The following CLCA2 variants were observed in gnomAD, a reference collection of about 807,000 sequenced individuals.
CLCA2 encodes the protein calcium-activated chloride channel regulator 2.
CLCA2 carries 85 observed loss-of-function variants against 82.9 expected under a neutral mutation model. That is an observed-to-expected ratio of 1.03 (90% CI 0.86 to 1.23). CLCA2 has a LOEUF of 1.23. Among genes scored for constraint, CLCA2 ranks in the 50% most tolerant of loss-of-function variants. CLCA2 has a pLI of 0.00. For synonymous variants in CLCA2, 421 were observed against 391.7 expected, an observed-to-expected ratio of 1.07 and a Z score of -0.88; for missense variants, 1,089 against 1,124.8, an observed-to-expected ratio of 0.97 and a Z score of 0.45.
At chr1:86,454,421 A>G (rs991826280) in intron 13 of CLCA2, among the ~76,000 whole-genome samples, 8 of 152,138 alleles carry the variant, frequency 5.3e-5, no homozygotes, top group Non-Finnish European at 8.8e-5. Context: ...TTATATGCTC[A>G]TTTTTGATTG....
chr1:86,443,444 C>T (rs976050395), intron 9 of CLCA2, among the ~76,000 whole-genome samples: 4 of 152,150 alleles, frequency 2.6e-5, no homozygotes, highest in Non-Finnish European at 5.9e-5. Flanking sequence ...TAAGCATATT[C>T]ACAAATGAAA....
intron 9 of CLCA2, 122 bp downstream of exon 9, chr1:86,441,665 A>G (rs1662739653): frequency 1.9e-5 from 12 of 615,680 alleles, no homozygotes; most frequent in Non-Finnish European, 3.3e-5. Flanking sequence ...ACAGCTGTGT[A>G]TGGAAGGCTT....
At chr1:86,431,035 G>A in intron 4 of CLCA2, 65 bp downstream of exon 4, 1 of 1,157,546 alleles carries the variant, frequency 8.6e-7, no homozygotes, top group Non-Finnish European at 1.2e-6. Flanking sequence ...TATAACTTAA[G>A]CAATTAAATA....
At chr1:86,446,457 T>C (rs1039860065) in intron 10 of CLCA2, among the ~76,000 whole-genome samples, 9 of 152,178 alleles carry the variant, frequency 5.9e-5, no homozygotes, top group African/African-American at 1.7e-4. Context: ...TTGGTCTGGA[T>C]TAGATGCCCT....
At position 86,455,654 on chromosome 1, in the gene CLCA2, A is replaced by G. The variant is rs1663063388; in HGVS notation, c.*127A>G. On this transcript the variant is annotated 3_prime_UTR_variant, in exon 14 of 14. Transcript: ENST00000370565. Reference sequence around the variant, plus strand: ...TGCATTGAGTTTTTGTACAATACAGATAAGATTTTTACATGGTAGATCAAC... The same window carrying G: ...TGCATTGAGTTTTTGTACAATACAGGTAAGATTTTTACATGGTAGATCAAC... 7.3e-6 allele frequency: 4 copies of G among 548,952 alleles called. No individual in the cohort carries two copies. In the Admixed American group the frequency reaches 1.2e-4, roughly 16 times the overall value. The allele number at this position is 548,952 out of a possible 1,614,324, so 34.0% of individuals were successfully genotyped here.
At chr1:86,440,413 T>A in intron 8 of CLCA2, 88 bp downstream of exon 8, 3 of 1,132,236 alleles carry the variant, frequency 2.6e-6, no homozygotes, top group South Asian at 1.6e-5. Flanking sequence ...TTATATGGCT[T>A]AATTGAAAAT....
intron 5 of CLCA2, 53 bp downstream of exon 5, chr1:86,432,581 G>A (rs552549838): frequency 1.3e-6 from 2 of 1,560,504 alleles, no homozygotes; most frequent in East Asian, 4.5e-5. Flanking sequence ...CTCTTCCCAT[G>A]TTTCAAGTAT....
At chr1:86,447,464 ATTTTT>A (rs199504629) in intron 10 of CLCA2, 39 bp from the exon 11 acceptor site, 1 of 1,561,970 alleles carries the variant, frequency 6.4e-7, no homozygotes, top group Non-Finnish European at 8.7e-7. Context: ...ATTAGGGTTG[ATTTTT>A]TTTTCACACT....
In CLCA2 at chr1:86,446,738, G is replaced by T. The variant is rs1221480958; in HGVS notation, c.1714-770G>T. ...TGTGTTTCACTTGTTACTTCTGGGGGTTTGATAAGGAGCAGCAGCAGAAGT... is the reference window on the plus strand; with the variant it reads ...TGTGTTTCACTTGTTACTTCTGGGGTTTTGATAAGGAGCAGCAGCAGAAGT... On this transcript the variant is annotated intron_variant, in intron 10 of 13. Transcript: ENST00000370565. 2.0e-5 allele frequency among the ~76,000 whole-genome samples: 3 copies of T among 152,122 alleles called. No individual in the cohort carries two copies. In the East Asian group the frequency reaches 5.8e-4, roughly 29 times the overall value.
rs761122486 is a variant in CLCA2 at position 86,438,980 on chromosome 1, G to C, written c.1077G>C (p.Glu359Asp). ...TTGCCAGTTTCGACAGCAAAGGAGA[G>C]ATCAGAGCCCAGCTACACCAAATTA... ...VGIASFDSKG[E>D]IRAQLHQINS... The change falls in exon 7 of 14, where the codon GAG becomes GAC. Residue 359 changes from glutamate (E) to aspartate (D), a missense_variant. Transcript: ENST00000370565. 2 of 1,614,008 alleles carry C rather than the reference G, an allele frequency of 1.2e-6. No homozygotes were observed. The highest frequency in any genetic ancestry group is 1.7e-6 in the Non-Finnish European group (2 of 1,180,012).
At position 86,432,480 on chromosome 1, in the gene CLCA2, C is replaced by T; in HGVS notation, c.696C>T (p.Ser232=). 6.2e-7 allele frequency: 1 copy of T among 1,613,992 alleles called. No homozygotes were observed. Among genetic ancestry groups the T allele is most frequent in the East Asian group, 2.2e-5 (1 of 44,854 alleles). Reference sequence around the variant, plus strand: ...AAGGATGCACCTTTATCTACAATAGCACCCAAAATGCAACTGCATCAATAA... The same window carrying T: ...AAGGATGCACCTTTATCTACAATAGTACCCAAAATGCAACTGCATCAATAA... ...FKEGCTFIYN[S]TQNATASIMF... Residue 232 remains serine (S), a synonymous_variant, in exon 5 of 14, where the codon AGC becomes AGT. Transcript: ENST00000370565.
chr1:86,446,632 G>T (rs1412339066), intron 10 of CLCA2, among the ~76,000 whole-genome samples: 1 of 152,158 alleles, frequency 6.6e-6, no homozygotes, highest in Non-Finnish European at 1.5e-5. Flanking sequence ...GAAGAAAGAT[G>T]GCTAGGGTGT....
intron 1 of CLCA2, 64 bp from the exon 2 acceptor site, chr1:86,425,275 C>T: frequency 7.7e-7 from 1 of 1,295,784 alleles, no homozygotes; most frequent in Non-Finnish European, 1.0e-6. Flanking sequence ...TTAAGCATAC[C>T]AGAAAACCAA....
chr1:86,428,678 C>T, intron 3 of CLCA2, 110 bp downstream of exon 3: 1 of 1,282,916 alleles, frequency 7.8e-7, no homozygotes, highest in Non-Finnish European at 1.1e-6. Context: ...CAAGGACTTA[C>T]CACTCAAAGG....
At position 86,430,269 on chromosome 1, in the gene CLCA2, C is replaced by T. The variant is rs183275063; in HGVS notation, c.476-593C>T. Among the ~76,000 whole-genome samples, 315 of 152,164 alleles carry T rather than the reference C, an allele frequency of 2.1e-3. 1 individual carries two copies. Among genetic ancestry groups the T allele is most frequent in the South Asian group, 0.016 (79 of 4,804 alleles). On this transcript the variant is annotated intron_variant, in intron 3 of 13. Transcript: ENST00000370565. ...TCCCTGACCTAGGAGCTGTAAAATA[C>T]ACATAAACATGGAGAATAAGGGATA...
chr1:86,453,497 G>T lies in CLCA2; in HGVS notation c.2284G>T (p.Asp762Tyr). The T allele has an allele frequency of 6.2e-7, 1 of 1,614,144 alleles. No homozygotes were observed. Among genetic ancestry groups the T allele is most frequent in the Non-Finnish European group, 8.5e-7 (1 of 1,180,028 alleles). ...VLGVPAGPHPDVFPPCKIIDL... is the reference protein window; with the variant it reads ...VLGVPAGPHPYVFPPCKIIDL... ...GGGAGTTCCAGCTGGCCCCCACCCTGATGTGTTTCCACCATGCAAAATTAT... is the reference window on the plus strand; with the variant it reads ...GGGAGTTCCAGCTGGCCCCCACCCTTATGTGTTTCCACCATGCAAAATTAT... Residue 762 changes from aspartate to tyrosine, a missense_variant, in exon 13 of 14, where the codon GAT (aspartate) becomes TAT (tyrosine). Physicochemically the swap from Asp to Tyr is radical, Grantham distance 160 (BLOSUM62 -3). Transcript: ENST00000370565.
At chr1:86,449,184 A>G (rs1234817424) in intron 11 of CLCA2, among the ~76,000 whole-genome samples, 6 of 152,214 alleles carry the variant, frequency 3.9e-5, no homozygotes, top group Non-Finnish European at 7.3e-5. Context: ...CTGTAATAAA[A>G]CTTATACCTC....
intron 13 of CLCA2, among the ~76,000 whole-genome samples, chr1:86,454,548 T>C (rs1178131147): frequency 6.6e-6 from 1 of 152,110 alleles, no homozygotes; most frequent in Non-Finnish European, 1.5e-5. Flanking sequence ...TCCCAGCAGT[T>C]TGGGAGGCCG....
Position 86,455,215 on chromosome 1 carries a change from A to C in CLCA2, c.2520A>C (p.Ser840=), listed in dbSNP as rs747776301. Residue 840 remains serine, a synonymous_variant, in exon 14 of 14, where the codon TCA becomes TCC. Coordinates refer to ENST00000370565, the MANE Select transcript of CLCA2 (RefSeq NM_006536.7). The stretch of plus-strand genomic sequence containing the variant: ...GCATCAGGGAGATATTTACGTTCTC[A>C]CCCCAAATTTCCACGAATGGACCTG... ...QAGIREIFTF[S]PQISTNGPEH... The C allele has an allele frequency of 6.2e-7, 1 of 1,614,104 alleles. No individual in the cohort carries two copies. The highest frequency in any genetic ancestry group is 1.1e-5 in the South Asian group (1 of 91,076).
Sources: allele counts gnomAD v4.1 joint callset (sites outside exome capture counted in the v4.1 genomes callset), GRCh38; gene constraint gnomAD v4.1.1; transcripts MANE v1.5; gene names NCBI Gene and HGNC (gene_info 2026-07-23, HGNC 2026-07-21).